PIP4P2: variants seen among roughly 807,000 people sequenced by gnomAD.
PIP4P2 encodes phosphatidylinositol-4,5-bisphosphate 4-phosphatase 2, also known as type 2 phosphatidylinositol 4,5-bisphosphate 4-phosphatase.
PIP4P2 carries 19 observed loss-of-function variants against 33.3 expected under a neutral mutation model. The ratio of observed to expected loss-of-function variants is 0.57; its 90% confidence interval spans 0.40 to 0.84. The LOEUF is 0.84. Among genes scored for constraint, PIP4P2 ranks in the 40% least tolerant of loss-of-function variants. PIP4P2 has a pLI of 0.00. For synonymous variants in PIP4P2, 110 were observed against 111.9 expected (o/e 0.98, Z 0.11); for missense variants, 270 against 324.7 (o/e 0.83, Z 1.29).
At chr8:91,019,881 C>T (rs927293060) in intron 3 of PIP4P2, among the ~76,000 whole-genome samples, 1 of 152,196 alleles carries the variant, frequency 6.6e-6, no homozygotes, top group Middle Eastern at 3.4e-3. Context: ...TTTTTAAATA[C>T]GTTCAATGTG....
chr8:91,014,599 G>A (rs1811887011), intron 4 of PIP4P2, among the ~76,000 whole-genome samples: 1 of 152,074 alleles, frequency 6.6e-6, no homozygotes. Flanking sequence ...AGGTGGGTGA[G>A]GAAAGGGGAG....
intron 4 of PIP4P2, among the ~76,000 whole-genome samples, chr8:91,013,792 T>A (rs1811871775): frequency 6.6e-6 from 1 of 152,128 alleles, no homozygotes; most frequent in Non-Finnish European, 1.5e-5. Context: ...TGTTGGTCTC[T>A]CAAAGCACTG....
At chr8:91,030,627 C>T (rs1407806566) in intron 1 of PIP4P2, among the ~76,000 whole-genome samples, 1 of 152,086 alleles carries the variant, frequency 6.6e-6, no homozygotes, top group Non-Finnish European at 1.5e-5. Context: ...TACTCCAACC[C>T]TTATGCCCAT....
At chr8:91,035,980 C>T (rs1812226995) in intron 1 of PIP4P2, among the ~76,000 whole-genome samples, 2 of 151,918 alleles carry the variant, frequency 1.3e-5, no homozygotes, top group African/African-American at 4.8e-5. Context: ...CCACTGCACT[C>T]CGGCCTGAGC....
At chr8:90,996,840 T>C in intron 5 of PIP4P2, 96 bp from the exon 6 acceptor site, 1 of 944,144 alleles carries the variant, frequency 1.1e-6, no homozygotes, top group African/African-American at 1.7e-5. Context: ...TTAGTAATAT[T>C]ATATACTTTT....
intron 5 of PIP4P2, among the ~76,000 whole-genome samples, chr8:91,004,808 C>G (rs1811746149): frequency 6.6e-6 from 1 of 151,880 alleles, no homozygotes; most frequent in Non-Finnish European, 1.5e-5. Flanking sequence ...TCAATTATTT[C>G]AGAGATAGGA....
intron 1 of PIP4P2, among the ~76,000 whole-genome samples, chr8:91,036,507 A>G (rs1217053579): frequency 6.6e-6 from 1 of 152,050 alleles, no homozygotes; most frequent in Non-Finnish European, 1.5e-5. Flanking sequence ...GCAATCCATC[A>G]TCAAGCCCTG....
chr8:91,031,908 T>C (rs1563569238), intron 1 of PIP4P2, among the ~76,000 whole-genome samples: 1 of 152,088 alleles, frequency 6.6e-6, no homozygotes, highest in Non-Finnish European at 1.5e-5. Context: ...AACTGTGTCA[T>C]AAAATATAAA....
At chr8:91,024,303 T>C in intron 1 of PIP4P2, 1 of 439,438 alleles carries the variant, frequency 2.3e-6, no homozygotes, top group South Asian at 1.6e-5. Context: ...AGGAAACATT[T>C]ACTTGTAGCT....
At chr8:91,015,123 T>A (rs1811896484) in intron 4 of PIP4P2, among the ~76,000 whole-genome samples, 1 of 152,094 alleles carries the variant, frequency 6.6e-6, no homozygotes, top group African/African-American at 2.4e-5. Context: ...TAAATTAATG[T>A]CTATTGTTTG....
chr8:91,036,528 C>T (rs1221118020), intron 1 of PIP4P2, among the ~76,000 whole-genome samples: 1 of 152,118 alleles, frequency 6.6e-6, no homozygotes, highest in Non-Finnish European at 1.5e-5. Flanking sequence ...TTCAATCCAC[C>T]TCCTTAACAT....
At chr8:91,038,989 T>A (rs1812269948) in intron 1 of PIP4P2, among the ~76,000 whole-genome samples, 1 of 152,200 alleles carries the variant, frequency 6.6e-6, no homozygotes, top group African/African-American at 2.4e-5. Context: ...GTTAAACAAA[T>A]ATATGGAAAA....
At chr8:91,032,579 G>A (rs1586186909) in intron 1 of PIP4P2, among the ~76,000 whole-genome samples, 2 of 151,970 alleles carry the variant, frequency 1.3e-5, no homozygotes, top group Admixed American at 1.3e-4. Flanking sequence ...TCAGGAGCTC[G>A]AGACCAGCCT....
chr8:91,027,045 T>C (rs1382509592), intron 1 of PIP4P2, among the ~76,000 whole-genome samples: 1 of 152,238 alleles, frequency 6.6e-6, no homozygotes, highest in Non-Finnish European at 1.5e-5. Context: ...AACCAGGGAA[T>C]GTCTATCTTA....
intron 5 of PIP4P2, among the ~76,000 whole-genome samples, chr8:91,000,915 C>T (rs1811690648): frequency 6.6e-6 from 1 of 152,000 alleles, no homozygotes; most frequent in Non-Finnish European, 1.5e-5. Flanking sequence ...ATCTTTGTCT[C>T]TCTATGCTAG....
rs954117012 is a variant in PIP4P2 at position 90,994,901 on chromosome 8, G to C, written c.*776C>G. 6.6e-6 allele frequency: 1 copy of C among 152,036 alleles called. No homozygotes were observed. Among genetic ancestry groups the C allele is most frequent in the South Asian group, 2.1e-4 (1 of 4,838 alleles). 9.4% of individuals were successfully genotyped at this position (152,036 alleles called of 1,614,324 possible). The stretch of plus-strand genomic sequence containing the variant: ...TCAAGCCTCTATAAAGGAATACATA[G>C]AGCTGATAAACATTAAATTCCATAA... On this transcript the variant is annotated 3_prime_UTR_variant, in exon 7 of 7. Coordinates refer to ENST00000285419, the MANE Select transcript of PIP4P2 (RefSeq NM_018710.3).
intron 5 of PIP4P2, among the ~76,000 whole-genome samples, chr8:91,000,962 A>G (rs1177967498): frequency 6.6e-6 from 1 of 151,978 alleles, no homozygotes; most frequent in Non-Finnish European, 1.5e-5. Flanking sequence ...CTTCCAATTC[A>G]CAACTTTAGT....
At chr8:91,027,162 CA>C (rs1812095837) in intron 1 of PIP4P2, among the ~76,000 whole-genome samples, 1 of 152,226 alleles carries the variant, frequency 6.6e-6, no homozygotes, top group Non-Finnish European at 1.5e-5. Flanking sequence ...AGTAATTCCA[CA>C]GCCTTACTAG....
chr8:91,019,411 A>G (rs1212905074), intron 3 of PIP4P2, among the ~76,000 whole-genome samples: 2 of 138,290 alleles, frequency 1.4e-5, no homozygotes, highest in African/African-American at 5.1e-5. Flanking sequence ...AAAAAAAAAA[A>G]AAAAAAAAAA....
Sources: gnomAD v4.1 joint callset for allele counts (sites outside exome capture counted in the v4.1 genomes callset) on GRCh38, gnomAD v4.1.1 for gene constraint, MANE v1.5 for transcripts, NCBI Gene and HGNC (gene_info 2026-07-23, HGNC 2026-07-21) for gene names.